Variants in AGAP6 observed in about 807,000 individuals in gnomAD.
The protein encoded by AGAP6 is arf-GAP with GTPase, ANK repeat and PH domain-containing protein 6.
A neutral mutation model predicts 63.9 loss-of-function variants in AGAP6; 29 were observed. The ratio of observed to expected loss-of-function variants is 0.45; its 90% CI spans 0.34 to 0.62. The LOEUF is 0.62. Ranked by LOEUF, AGAP6 falls within the 20% of genes least tolerant of loss-of-function variation. The probability of loss-of-function intolerance (pLI) is 0.01; values close to 1 mark genes in which losing one functional copy is unlikely to be tolerated. For synonymous variants in AGAP6, 199 were observed against 332.9 expected (o/e 0.60, Z 4.38); for missense variants, 493 against 884.9 (o/e 0.56, Z 5.62).
intron 2 of AGAP6, among the ~76,000 whole-genome samples, chr10:49,989,796 C>G (rs1841197520): frequency 6.6e-6 from 1 of 152,228 alleles, no homozygotes; most frequent in Admixed American, 6.5e-5. Context: ...TAAAATGTCA[C>G]AGCCGGGGCT....
rs573648341 is a variant in AGAP6 at position 49,994,446 on chromosome 10, A to C, written c.396+17A>C. ...ACAAACCATGTAAGTAAACACTCAA[A>C]TACTTAAGAAATTGATAGTTTGACA... On this transcript the variant is annotated intron_variant, in intron 4 of 7. Transcript: ENST00000412531. The C allele has an allele frequency of 1.7e-4, 260 of 1,524,778 alleles. 3 individuals carry two copies. In the South Asian group the frequency reaches 2.7e-3, roughly 16 times the overall value. 94.5% of individuals were successfully genotyped at this position (1,524,778 alleles called of 1,614,324 possible).
At chr10:49,991,340 CAA>C (rs1841265332) in intron 2 of AGAP6, among the ~76,000 whole-genome samples, 1 of 149,660 alleles carries the variant, frequency 6.7e-6, no homozygotes, top group Non-Finnish European at 1.5e-5. Flanking sequence ...TTATTTTATG[CAA>C]AGTTGATTTT....
intron 4 of AGAP6, among the ~76,000 whole-genome samples, chr10:49,997,139 A>C (rs1196870910): frequency 2.0e-5 from 3 of 148,658 alleles, no homozygotes; most frequent in Admixed American, 6.8e-5. Flanking sequence ...ATCTATAATA[A>C]GCATATTACA....
chr10:49,995,973 C>T (rs1841470386), intron 4 of AGAP6, among the ~76,000 whole-genome samples: 1 of 152,058 alleles, frequency 6.6e-6, no homozygotes, highest in Non-Finnish European at 1.5e-5. Context: ...TTTATAACAG[C>T]TTGTTGGGGA....
At chr10:50,001,938 T>C in intron 4 of AGAP6, 58 bp from the exon 5 acceptor site, 1 of 1,599,642 alleles carries the variant, frequency 6.3e-7, no homozygotes, top group African/African-American at 1.3e-5. Flanking sequence ...ATTTGACATT[T>C]TAACTGAGAA....
In AGAP6 at chr10:50,002,172, G is replaced by A. The variant is rs1841738476; in HGVS notation, c.497+76G>A. On this transcript the variant is annotated intron_variant, in intron 5 of 7. Transcript: ENST00000412531. The stretch of plus-strand genomic sequence containing the variant: ...TTCAGTCATTTGGTTGTCCTTTTCA[G>A]CAATCAGTTTAAGAAATTGGAGTCA... The A allele has an allele frequency of 2.1e-6, 3 of 1,440,012 alleles. No homozygotes were observed. In the South Asian group the frequency reaches 3.6e-5, roughly 17 times the overall value. The allele number at this position is 1,440,012 out of a possible 1,614,324, so 89.2% of individuals were successfully genotyped here.
At chr10:49,992,657 G>A (rs1303886836) in intron 3 of AGAP6, among the ~76,000 whole-genome samples, 3 of 152,142 alleles carry the variant, frequency 2.0e-5, no homozygotes, top group Non-Finnish European at 4.4e-5. Context: ...TCTGCTTCTG[G>A]TGAGGGCCTC....
rs1841150885 is a variant in AGAP6, at chr10:49,988,934, T to C, written c.219T>C (p.Pro73=). Residue 73 remains proline (P), a synonymous_variant, in exon 1 of 8, where the codon CCT becomes CCC. Transcript: ENST00000412531. ...HMHHVRDREM[P]EALEFNLSAN... Reference sequence around the variant, plus strand: ...ACCACGTTCGTGACCGGGAGATGCCTGAAGGTGAGGAGGTGATAGGTGCCA... The same window carrying C: ...ACCACGTTCGTGACCGGGAGATGCCCGAAGGTGAGGAGGTGATAGGTGCCA... 3 of 1,601,526 alleles carry C rather than the reference T, an allele frequency of 1.9e-6. No homozygotes were observed. The Admixed American group carries it at 5.0e-5, about 27-fold the overall frequency.
chr10:49,996,823 A>G (rs1185338549), intron 4 of AGAP6, among the ~76,000 whole-genome samples: 1 of 151,980 alleles, frequency 6.6e-6, no homozygotes, highest in Admixed American at 6.6e-5. Context: ...TAGTTCTGCA[A>G]GACAAACTGG....
intron 4 of AGAP6, among the ~76,000 whole-genome samples, chr10:49,995,435 C>T (rs1554861747): frequency 6.6e-6 from 1 of 152,156 alleles, no homozygotes; most frequent in Non-Finnish European, 1.5e-5. Context: ...TATTCATTTG[C>T]CTATTTTCTA....
chr10:50,005,344 G>A (rs1841876453), intron 6 of AGAP6, among the ~76,000 whole-genome samples: 1 of 152,204 alleles, frequency 6.6e-6, no homozygotes, highest in Non-Finnish European at 1.5e-5. Context: ...GGGCACGGTG[G>A]CTCACGCCTG....
rs782798272 is a variant in AGAP6, at chr10:50,009,331, C to T, written c.1206C>T (p.His402=). 1 of 1,613,998 alleles carries T rather than the reference C, an allele frequency of 6.2e-7. No homozygotes were observed. Among genetic ancestry groups the T allele is most frequent in the South Asian group, 1.1e-5 (1 of 91,078 alleles). Residue 402 remains histidine, a synonymous_variant, in exon 8 of 8, where the codon CAC becomes CAT. Transcript: ENST00000412531. ...PPSPHANKKK[H]LKKKSTNNFM... ...CTCCTCATGCTAATAAAAAGAAACA[C>T]CTAAAGAAGAAAAGCACCAACAACT...
intron 3 of AGAP6, among the ~76,000 whole-genome samples, chr10:49,993,957 G>A (rs1322315475): frequency 1.3e-5 from 2 of 152,094 alleles, no homozygotes; most frequent in African/African-American, 4.8e-5. Context: ...GGATTCTGTT[G>A]CATCTAGAGA....
intron 6 of AGAP6, among the ~76,000 whole-genome samples, chr10:50,005,995 G>T (rs567016207): frequency 2.6e-4 from 40 of 150,964 alleles, no homozygotes; most frequent in African/African-American, 9.7e-4. Flanking sequence ...TATTTTTAAA[G>T]TTTTCAGACA....
chr10:50,008,298 C>CTTTT (rs1181143677), intron 7 of AGAP6, among the ~76,000 whole-genome samples: 25 of 118,156 alleles, frequency 2.1e-4, no homozygotes, highest in African/African-American at 7.2e-4. Flanking sequence ...GAAGATGTAT[C>CTTTT]TTTTTTTTTT....
intron 2 of AGAP6, among the ~76,000 whole-genome samples, chr10:49,990,411 C>CT (rs1437293201): frequency 4.6e-5 from 7 of 152,214 alleles, no homozygotes; most frequent in African/African-American, 1.7e-4. Context: ...CGCCAATGCA[C>CT]TCCAGCCTGG....
chr10:49,989,805 C>T (rs1841198185), intron 2 of AGAP6, among the ~76,000 whole-genome samples: 2 of 152,152 alleles, frequency 1.3e-5, no homozygotes, highest in Admixed American at 1.3e-4. Flanking sequence ...ACAGCCGGGG[C>T]TGCAGAAAAA....
chr10:49,999,542 C>T (rs1436011624), intron 4 of AGAP6, among the ~76,000 whole-genome samples: 3 of 131,340 alleles, frequency 2.3e-5, no homozygotes, highest in Non-Finnish European at 4.8e-5. Context: ...GCATTCCCCC[C>T]GAGAACTGGA....
chr10:49,991,907 T>G (rs1235358700), intron 3 of AGAP6, among the ~76,000 whole-genome samples, 163 bp downstream of exon 3: 7 of 152,082 alleles, frequency 4.6e-5, no homozygotes, highest in Non-Finnish European at 8.8e-5. Flanking sequence ...TTAGTTGTTA[T>G]GATGTTAGTG....
Sources: gnomAD v4.1 joint callset for allele counts (sites outside exome capture counted in the v4.1 genomes callset) on GRCh38, gnomAD v4.1.1 for gene constraint, MANE v1.5 for transcripts, NCBI Gene and HGNC (gene_info 2026-07-23, HGNC 2026-07-21) for gene names.